Variants in PALM2AKAP2 observed in about 807,000 individuals in gnomAD.
PALM2AKAP2 encodes the protein PALM2-AKAP2 fusion protein.
Under a neutral mutation model 71.5 loss-of-function variants are expected in PALM2AKAP2, and 37 were observed. The observed-to-expected ratio is 0.52, with a 90% CI of 0.40 to 0.68. The LOEUF is 0.68. Ranked by LOEUF, PALM2AKAP2 falls within the 30% of genes least tolerant of loss-of-function variation. PALM2AKAP2 has a pLI of 0.00. For missense variants in PALM2AKAP2, 1,224 were observed against 1,191.8 expected (o/e 1.03, Z -0.40); for synonymous variants, 468 against 478.8 (o/e 0.98, Z 0.29).
chr9:109,947,802 A>G (rs1038198976), intron 6 of PALM2AKAP2, among the ~76,000 whole-genome samples: 8 of 152,176 alleles, frequency 5.3e-5, no homozygotes, highest in Admixed American at 5.2e-4. Flanking sequence ...TTCACATTGC[A>G]TTTTTGCCAC....
intron 1 of PALM2AKAP2, among the ~76,000 whole-genome samples, chr9:109,815,056 C>T (rs1388115820): frequency 6.6e-6 from 1 of 151,986 alleles, no homozygotes; most frequent in Non-Finnish European, 1.5e-5. Context: ...GATACTGATC[C>T]AAGAATGAAA....
At chr9:109,840,990 C>T (rs1828646381) in intron 1 of PALM2AKAP2, among the ~76,000 whole-genome samples, 1 of 152,170 alleles carries the variant, frequency 6.6e-6, no homozygotes, top group Admixed American at 6.5e-5. Context: ...CTAGAAATAC[C>T]ATTTGACCCA....
intron 6 of PALM2AKAP2, among the ~76,000 whole-genome samples, chr9:110,014,552 C>A (rs1832938256): frequency 6.6e-6 from 1 of 151,600 alleles, no homozygotes; most frequent in Non-Finnish European, 1.5e-5. Context: ...GTGGGCACAT[C>A]ACGTGAGGTC....
intron 1 of PALM2AKAP2, among the ~76,000 whole-genome samples, chr9:109,747,111 TAATA>T (rs1261439118): frequency 6.6e-6 from 1 of 152,216 alleles, no homozygotes; most frequent in East Asian, 1.9e-4. Context: ...ATATTGCTAA[TAATA>T]AAAGCCAATA....
At chr9:109,663,483 G>A (rs1034777403) in intron 1 of PALM2AKAP2, among the ~76,000 whole-genome samples, 2 of 152,198 alleles carry the variant, frequency 1.3e-5, no homozygotes, top group Admixed American at 6.5e-5. Flanking sequence ...CAGTTTCCAT[G>A]TAGTTGTGTG....
At chr9:110,076,774 G>A (rs773540899) in intron 1 of PALM2AKAP2, among the ~76,000 whole-genome samples, 75 of 152,164 alleles carry the variant, frequency 4.9e-4, no homozygotes, top group Middle Eastern at 3.4e-3. Flanking sequence ...GGCCACCTCC[G>A]AGTTTTGTGT....
chr9:110,025,377 G>T, intron 7 of PALM2AKAP2: 1 of 906,930 alleles, frequency 1.1e-6, no homozygotes, highest in Non-Finnish European at 1.8e-6. Context: ...ATTACTGGAA[G>T]ATGGAGGTTC....
At chr9:109,972,512 C>G (rs1832087168) in intron 6 of PALM2AKAP2, among the ~76,000 whole-genome samples, 1 of 152,216 alleles carries the variant, frequency 6.6e-6, no homozygotes, top group Admixed American at 6.5e-5. Flanking sequence ...TCTGGTGCAT[C>G]TGGCTTCCTG....
chr9:109,931,950 C>A (rs996296757), exon 6 of PALM2AKAP2: 1 of 1,614,080 alleles, frequency 6.2e-7, no homozygotes, highest in South Asian at 1.1e-5. Flanking sequence ...CATTTCCTCC[C>A]AGCTTCCCGA....
At chr9:110,168,983 C>T (rs1836798532) in exon 4 of PALM2AKAP2, 1 of 152,810 alleles carries the variant, frequency 6.5e-6, no homozygotes, top group African/African-American at 2.4e-5. Context: ...TCCATTTTCT[C>T]CAGCAGCCAT....
At chr9:110,039,332 G>A (rs1357867551) in intron 7 of PALM2AKAP2, among the ~76,000 whole-genome samples, 2 of 152,162 alleles carry the variant, frequency 1.3e-5, no homozygotes, top group African/African-American at 2.4e-5. Flanking sequence ...ATTATTAACT[G>A]TGAGCACAAG....
At chr9:109,729,677 G>C (rs1416154157) in intron 1 of PALM2AKAP2, among the ~76,000 whole-genome samples, 1 of 152,208 alleles carries the variant, frequency 6.6e-6, no homozygotes, top group Non-Finnish European at 1.5e-5. Flanking sequence ...AATTGAAGGT[G>C]CATGCATTTA....
At chr9:109,808,848 C>A (rs1827649341) in intron 1 of PALM2AKAP2, among the ~76,000 whole-genome samples, 1 of 152,214 alleles carries the variant, frequency 6.6e-6, no homozygotes, top group South Asian at 2.1e-4. Context: ...GACTTGGTGC[C>A]CTGTGTCCCA....
At chr9:109,951,053 G>T (rs575927774) in intron 6 of PALM2AKAP2, among the ~76,000 whole-genome samples, 21 of 152,300 alleles carry the variant, frequency 1.4e-4, no homozygotes, top group Admixed American at 7.8e-4. Flanking sequence ...TTCTTTGCAG[G>T]GTTCTGGAAC....
chr9:110,156,553 G>A (rs750532613), intron 3 of PALM2AKAP2, 56 bp downstream of exon 9: 29 of 1,512,524 alleles, frequency 1.9e-5, no homozygotes, highest in African/African-American at 1.4e-4. Flanking sequence ...TCGGTGTGGC[G>A]TGTGGCATTC....
At chr9:110,082,133 G>C (rs996200411) in intron 1 of PALM2AKAP2, among the ~76,000 whole-genome samples, 1 of 152,124 alleles carries the variant, frequency 6.6e-6, no homozygotes, top group Admixed American at 6.5e-5. Flanking sequence ...TGTTGCCCAG[G>C]CTGGAGTGCA....
intron 1 of PALM2AKAP2, among the ~76,000 whole-genome samples, chr9:109,857,072 C>T (rs1257882839): frequency 6.6e-6 from 1 of 152,222 alleles, no homozygotes; most frequent in Non-Finnish European, 1.5e-5. Context: ...ACCCCCGCTT[C>T]CTGCCCTGAG....
At chr9:109,797,629 C>T (rs1269658699) in intron 1 of PALM2AKAP2, among the ~76,000 whole-genome samples, 1 of 152,216 alleles carries the variant, frequency 6.6e-6, no homozygotes, top group Non-Finnish European at 1.5e-5. Flanking sequence ...AGAAGCCGTC[C>T]GTCACCCTCC....
In PALM2AKAP2 at chr9:109,749,038, C is replaced by T. The variant is rs1356677683; in HGVS notation, c.6-31450C>T. ...CATTCTGAGATACTGGGGATAAGGA[C>T]ATCAACAGATGAATTTTGGGAGGAC... On this transcript the variant is annotated intron_variant, in intron 1 of 6. Coordinates refer to the PALM2AKAP2 transcript ENST00000374531. Among the ~76,000 whole-genome samples the T allele has an allele frequency of 5.3e-5, 8 of 152,182 alleles. 1 individual carries two copies. The highest frequency in any genetic ancestry group is 1.5e-5 in the Non-Finnish European group (1 of 68,044).
Sources: allele counts gnomAD v4.1 joint callset (sites outside exome capture counted in the v4.1 genomes callset), GRCh38; gene constraint gnomAD v4.1.1; transcripts MANE v1.5; gene names NCBI Gene and HGNC (gene_info 2026-07-23, HGNC 2026-07-21).